BMPR2: variants seen among roughly 807,000 people sequenced by gnomAD.
BMPR2 encodes bone morphogenetic protein receptor type 2.
A neutral mutation model predicts 100.8 loss-of-function variants in BMPR2; 29 were observed. The ratio of observed to expected loss-of-function variants is 0.29; its 90% CI spans 0.21 to 0.39. BMPR2 has a LOEUF of 0.39. BMPR2 is among the 10% of genes least tolerant of loss of function. The probability of loss-of-function intolerance (pLI) is 1.00; values close to 1 mark genes in which losing one functional copy is unlikely to be tolerated. For missense variants in BMPR2, 1,011 were observed against 1,274.5 expected, an observed-to-expected ratio of 0.79 and a Z score of 3.15; for synonymous variants, 382 against 442.3, an observed-to-expected ratio of 0.86 and a Z score of 1.71.
At chr2:202,411,899 G>A (rs1691019447) in intron 1 of BMPR2, among the ~76,000 whole-genome samples, 1 of 152,136 alleles carries the variant, frequency 6.6e-6, no homozygotes, top group South Asian at 2.1e-4. Context: ...GCGATCTAAA[G>A]AAGTATTACA....
chr2:202,470,571 C>T (rs1692415269), intron 3 of BMPR2, among the ~76,000 whole-genome samples: 1 of 149,668 alleles, frequency 6.7e-6, no homozygotes, highest in African/African-American at 2.5e-5. Flanking sequence ...ACCATCCTGG[C>T]TAACAAGGTG....
chr2:202,467,584 C>T lies in BMPR2; in HGVS notation c.313C>T (p.Pro105Ser), dbSNP rs773638601. 1.9e-6 allele frequency: 3 copies of T among 1,581,632 alleles called. No individual in the cohort carries two copies. The highest frequency in any genetic ancestry group is 1.7e-6 in the Non-Finnish European group (2 of 1,150,628). Residue 105 changes from proline to serine, a missense_variant, in exon 3 of 13, where the codon CCT (proline) becomes TCT (serine). Pro to Ser is a moderately conservative substitution (Grantham distance 74). This residue lies in a region of BMPR2 where 355 missense variants were observed against 455.3 expected (regional missense o/e 0.78). Transcript: ENST00000374580. ...TGAAGAATGTGTAGTAACTACCACT[C>T]CTCCCTCAATTCAGAATGGAACATA... ...HYEECVVTTTPPSIQNGTYRF... is the reference protein window; with the variant it reads ...HYEECVVTTTSPSIQNGTYRF...
chr2:202,467,264 A>G (rs901079437), intron 2 of BMPR2, among the ~76,000 whole-genome samples: 1 of 152,182 alleles, frequency 6.6e-6, no homozygotes, highest in Non-Finnish European at 1.5e-5. Context: ...ACTCCGCCTC[A>G]ATAAATAAAT....
chr2:202,474,235 C>T (rs904677045), intron 3 of BMPR2, among the ~76,000 whole-genome samples: 1 of 152,070 alleles, frequency 6.6e-6, no homozygotes, highest in Non-Finnish European at 1.5e-5. Flanking sequence ...GCAGGTGGAT[C>T]ATGAGGTCAG....
intron 1 of BMPR2, among the ~76,000 whole-genome samples, chr2:202,386,469 T>C (rs1690428557): frequency 6.6e-6 from 1 of 152,184 alleles, no homozygotes; most frequent in Non-Finnish European, 1.5e-5. Context: ...TTTCACATTC[T>C]TATCCAATCT....
At chr2:202,413,396 G>T (rs2105918553) in intron 1 of BMPR2, among the ~76,000 whole-genome samples, 1 of 152,296 alleles carries the variant, frequency 6.6e-6, no homozygotes, top group African/African-American at 2.4e-5. Context: ...TTGAGTGTCA[G>T]TGCATCAACA....
At chr2:202,414,323 C>G (rs940791472) in intron 1 of BMPR2, among the ~76,000 whole-genome samples, 1 of 152,194 alleles carries the variant, frequency 6.6e-6, no homozygotes, top group African/African-American at 2.4e-5. Flanking sequence ...GTTCTATCAG[C>G]TGTTGTTCCC....
In BMPR2 at chr2:202,492,489, C is replaced by G. The variant is rs368401007; in HGVS notation, c.419-21230C>G. On this transcript the variant is annotated intron_variant, in intron 3 of 12. Transcript: ENST00000374580. ...CCTACGCAGGCAGATCACTTGAGAC[C>G]AGGAGTTCGAGACCAGCCTGGCCAA... Among the ~76,000 whole-genome samples the G allele has an allele frequency of 4.6e-5, 7 of 151,912 alleles. No homozygotes were observed. The South Asian group carries it at 1.0e-3, about 23-fold the overall frequency.
Position 202,448,876 on chromosome 2 carries a change from T to A in BMPR2, c.77-15933T>A, listed in dbSNP as rs971976350. Among the ~76,000 whole-genome samples, 3 of 151,994 alleles carry A rather than the reference T, an allele frequency of 2.0e-5. No individual in the cohort carries two copies. The South Asian group carries it at 6.2e-4, about 32-fold the overall frequency. ...CTCTGAATTAGGAGAGAACAATATA[T>A]CTTATTGCTGTTTGGGAAAGCTTGG... On this transcript the variant is annotated intron_variant, in intron 1 of 12. Transcript: ENST00000374580.
intron 3 of BMPR2, among the ~76,000 whole-genome samples, chr2:202,511,913 C>A (rs1298171962): frequency 6.6e-6 from 1 of 151,710 alleles, no homozygotes; most frequent in Non-Finnish European, 1.5e-5. Flanking sequence ...CCCAGCAACT[C>A]AGGAGGCTGA....
intron 1 of BMPR2, among the ~76,000 whole-genome samples, chr2:202,395,014 G>T (rs1480654457): frequency 1.3e-5 from 2 of 151,660 alleles, no homozygotes; most frequent in Non-Finnish European, 2.9e-5. Flanking sequence ...CTCCTGAGTA[G>T]CTGGGACTAC....
intron 9 of BMPR2, among the ~76,000 whole-genome samples, chr2:202,541,881 G>T (rs910031212): frequency 5.3e-5 from 8 of 152,146 alleles, no homozygotes; most frequent in African/African-American, 1.9e-4. Flanking sequence ...GGAGGCCGAG[G>T]CTGGTGGATC....
At chr2:202,400,347 G>A (rs1050594321) in intron 1 of BMPR2, among the ~76,000 whole-genome samples, 6 of 142,152 alleles carry the variant, frequency 4.2e-5, no homozygotes, top group Admixed American at 7.4e-5. Flanking sequence ...ACAACGTCTC[G>A]CTATGTTGCC....
At chr2:202,468,947 G>C (rs1692377902) in intron 3 of BMPR2, among the ~76,000 whole-genome samples, 1 of 151,854 alleles carries the variant, frequency 6.6e-6, no homozygotes, top group South Asian at 2.1e-4. Context: ...GGGATCCAAG[G>C]AATGAGACAG....
At chr2:202,407,135 G>A (rs773676497) in intron 1 of BMPR2, among the ~76,000 whole-genome samples, 45 of 151,632 alleles carry the variant, frequency 3.0e-4, no homozygotes, top group Non-Finnish European at 5.2e-4. Flanking sequence ...TAGAGACAGG[G>A]TTTCACCATG....
chr2:202,445,585 C>T (rs1186877009), intron 1 of BMPR2, among the ~76,000 whole-genome samples: 1 of 149,634 alleles, frequency 6.7e-6, no homozygotes, highest in African/African-American at 2.6e-5. Context: ...TATTAATTTA[C>T]ATTCCCACCA....
At chr2:202,485,564 T>TTTTTTTTTTTTA (rs57387384) in intron 3 of BMPR2, among the ~76,000 whole-genome samples, 1 of 140,094 alleles carries the variant, frequency 7.1e-6, no homozygotes, top group African/African-American at 2.6e-5. Flanking sequence ...TTTTTTTTTT[T>TTTTTTTTTTTTA]GAGACAGAGT....
chr2:202,496,276 C>T (rs773789876), intron 3 of BMPR2, among the ~76,000 whole-genome samples: 5 of 152,026 alleles, frequency 3.3e-5, no homozygotes, highest in African/African-American at 9.7e-5. Context: ...TGCTTGAGCC[C>T]GGGAGTTTGA....
At chr2:202,435,002 C>G (rs1281342130) in intron 1 of BMPR2, among the ~76,000 whole-genome samples, 1 of 137,296 alleles carries the variant, frequency 7.3e-6, no homozygotes, top group African/African-American at 2.9e-5. Context: ...CTCACTTGAG[C>G]TTAGGAGTTG....
Sources: allele counts gnomAD v4.1 joint callset (sites outside exome capture counted in the v4.1 genomes callset), GRCh38; gene constraint gnomAD v4.1.1; regional missense constraint gnomAD v4.1.1; transcripts MANE v1.5; gene names NCBI Gene and HGNC (gene_info 2026-07-23, HGNC 2026-07-21).